Variants in MYLK4 observed in about 807,000 individuals in gnomAD.
The protein encoded by MYLK4 is myosin light chain kinase family member 4, also known as caMLCK like.
MYLK4 carries 46 observed loss-of-function variants against 48.1 expected under a neutral mutation model. The observed-to-expected ratio is 0.96, with a 90% CI of 0.75 to 1.22. The LOEUF (loss-of-function observed/expected upper bound fraction) is 1.22, where lower values mean the gene tolerates loss of function less well. Ranked by LOEUF, MYLK4 falls within the 50% of genes most tolerant of loss-of-function variation. The probability of loss-of-function intolerance (pLI) is 0.00; values close to 1 mark genes in which losing one functional copy is unlikely to be tolerated. For missense variants in MYLK4, 451 were observed against 486.1 expected, an observed-to-expected ratio of 0.93 and a Z score of 0.68; for synonymous variants, 170 against 180.8, an observed-to-expected ratio of 0.94 and a Z score of 0.48.
intron 2 of MYLK4, among the ~76,000 whole-genome samples, chr6:2,694,532 A>T (rs200129094): frequency 4.6e-4 from 1 of 2,180 alleles, no homozygotes; most frequent in Non-Finnish European, 9.0e-4. Flanking sequence ...TGGTGGTGGT[A>T]GTAGTGTTGG....
At chr6:2,679,826 G>A (rs1761224570) in intron 8 of MYLK4, among the ~76,000 whole-genome samples, 1 of 152,172 alleles carries the variant, frequency 6.6e-6, no homozygotes, top group Non-Finnish European at 1.5e-5. Flanking sequence ...ATGTGTCCAC[G>A]TAAACTCTTT....
At chr6:2,763,633 C>T in the MYLK4 span, among the ~76,000 whole-genome samples, 1 of 152,360 alleles carries the variant, frequency 6.6e-6, no homozygotes, top group Non-Finnish European at 1.5e-5. Context: ...AGCCCCGGTT[C>T]CCGCCCGCGC....
At chr6:2,695,261 G>A (rs947760208) in intron 2 of MYLK4, among the ~76,000 whole-genome samples, 1 of 152,180 alleles carries the variant, frequency 6.6e-6, no homozygotes, top group Non-Finnish European at 1.5e-5. Context: ...GGTTTATTCT[G>A]TGTGGCATGA....
In MYLK4 at chr6:2,673,959, G is replaced by C. The variant is rs1432368305; in HGVS notation, c.1119+1088C>G. Among the ~76,000 whole-genome samples the C allele has an allele frequency of 6.6e-6, 1 of 152,204 alleles. No individual in the cohort carries two copies. Among genetic ancestry groups the C allele is most frequent in the East Asian group, 1.9e-4 (1 of 5,202 alleles). On this transcript the variant is annotated intron_variant, in intron 11 of 12. Coordinates refer to ENST00000274643, the MANE Select transcript of MYLK4 (RefSeq NM_001012418.5). This position sits in a 1 kb window ranked among gnomAD's most constrained non-coding sequence, Gnocchi z 4.2. Reference sequence around the variant, plus strand: ...GAAGCAAAGAAGATGTACGGGGGCTGGCTGGGGCCGCTCCATGGGCATCCT... The same window carrying C: ...GAAGCAAAGAAGATGTACGGGGGCTCGCTGGGGCCGCTCCATGGGCATCCT...
the MYLK4 span, among the ~76,000 whole-genome samples, chr6:2,758,250 A>G: frequency 6.6e-6 from 1 of 152,088 alleles, no homozygotes; most frequent in Admixed American, 6.6e-5. Context: ...ACAGTGTAAC[A>G]TCACTTACTG....
At chr6:2,671,451 G>C (rs1760892849) in intron 11 of MYLK4, 103 bp from the exon 12 acceptor site, 3 of 1,105,772 alleles carry the variant, frequency 2.7e-6, no homozygotes, top group African/African-American at 3.1e-5. Flanking sequence ...TGAGGAGAAG[G>C]TGCTCTTCAA....
intron 2 of MYLK4, among the ~76,000 whole-genome samples, chr6:2,700,108 C>A (rs1335406838): frequency 6.6e-6 from 1 of 152,212 alleles, no homozygotes; most frequent in African/African-American, 2.4e-5. Context: ...TTTCTTCCCA[C>A]TGCCACCTTA....
the MYLK4 span, among the ~76,000 whole-genome samples, chr6:2,769,809 G>A: frequency 2.6e-5 from 4 of 152,296 alleles, no homozygotes; most frequent in South Asian, 8.3e-4. Context: ...TCAGCCTTTG[G>A]TAGAAGATGG....
At chr6:2,768,982 T>G in the MYLK4 span, 4 of 1,222,780 alleles carry the variant, frequency 3.3e-6, no homozygotes, top group Non-Finnish European at 4.5e-6. Flanking sequence ...GAGCTTTGTT[T>G]ACAAAGAAGC....
chr6:2,746,487 A>C (rs980162073), intron 2 of MYLK4, among the ~76,000 whole-genome samples: 1 of 152,238 alleles, frequency 6.6e-6, no homozygotes, highest in Non-Finnish European at 1.5e-5. Flanking sequence ...GTTTTATCAA[A>C]CTATTTTAAC....
intron 1 of MYLK4, 68 bp downstream of exon 1, chr6:2,750,668 T>C (rs950897325): frequency 6.6e-6 from 1 of 152,218 alleles, no homozygotes; most frequent in African/African-American, 2.4e-5. Context: ...TACAATTTGT[T>C]ATTGAAGGTA....
At chr6:2,694,510 T>TGGTGATGGTGGC (rs1761954636) in intron 2 of MYLK4, among the ~76,000 whole-genome samples, 1 of 22,590 alleles carries the variant, frequency 4.4e-5, no homozygotes, top group African/African-American at 2.2e-4. Context: ...GTGGTGGTGG[T>TGGTGATGGTGGC]GGCGGTGGTG....
Position 2,737,986 on chromosome 6 carries a change from GGGGGGT to G in MYLK4, c.159+11144_159+11149del, listed in dbSNP as rs1561878053. ...GGTGGGGTGCCGGGGGCGGGTGGGG[GGGGGGT>G]GGTCAATGTTATTAACCCCAGATGA... On this transcript the variant is annotated intron_variant, in intron 2 of 12. Coordinates refer to ENST00000274643, the MANE Select transcript of MYLK4 (RefSeq NM_001012418.5). 4.0e-4 allele frequency among the ~76,000 whole-genome samples: 48 copies of G among 119,462 alleles called. 10 individuals carry two copies. Among genetic ancestry groups the G allele is most frequent in the Admixed American group, 2.6e-3 (29 of 11,096 alleles). The allele number at this position is 119,462 out of a possible 152,430, so 78.4% of individuals were successfully genotyped here. A position where few individuals can be genotyped will look rare whatever the true frequency, so the allele number is the denominator to read the frequency against.
At position 2,736,485 on chromosome 6, in the gene MYLK4, A is replaced by G. The variant is rs555245450; in HGVS notation, c.159+12651T>C. 4.6e-5 allele frequency among the ~76,000 whole-genome samples: 7 copies of G among 152,354 alleles called. No individual in the cohort carries two copies. In the South Asian group the frequency reaches 1.4e-3, roughly 32 times the overall value. On this transcript the variant is annotated intron_variant, in intron 2 of 12. Transcript: ENST00000274643. ...ACCTGCATTGAAAATCTCTAATATT[A>G]TGTGTTGGAATAATATTAAAAATCT... is the stretch of plus-strand genomic sequence containing the variant.
chr6:2,743,276 T>G (rs139639701), intron 2 of MYLK4, among the ~76,000 whole-genome samples: 1 of 152,234 alleles, frequency 6.6e-6, no homozygotes, highest in Non-Finnish European at 1.5e-5. Context: ...AAAAATAATT[T>G]ATCATATGCT....
intron 2 of MYLK4, among the ~76,000 whole-genome samples, chr6:2,698,653 G>A (rs766541527): frequency 2.0e-5 from 3 of 152,142 alleles, no homozygotes; most frequent in Admixed American, 6.5e-5. Context: ...ATTCCTAATG[G>A]GGGAGAGAAC....
chr6:2,763,316 T>C, the MYLK4 span, among the ~76,000 whole-genome samples: 6 of 152,384 alleles, frequency 3.9e-5, no homozygotes, highest in Middle Eastern at 3.4e-3. Flanking sequence ...AGTTGCTTGC[T>C]AGTCCCACGT....
At chr6:2,694,114 G>A (rs751163944) in intron 2 of MYLK4, among the ~76,000 whole-genome samples, 3 of 152,068 alleles carry the variant, frequency 2.0e-5, no homozygotes, top group Non-Finnish European at 2.9e-5. Context: ...GAGTATTTCC[G>A]TTTTTTAGAT....
At position 2,736,078 on chromosome 6, in the gene MYLK4, C is replaced by A. The variant is rs376332954; in HGVS notation, c.159+13058G>T. 7.2e-5 allele frequency among the ~76,000 whole-genome samples: 11 copies of A among 152,158 alleles called. No individual in the cohort carries two copies. In the East Asian group the frequency reaches 1.7e-3, roughly 24 times the overall value. The stretch of plus-strand genomic sequence containing the variant: ...TCAGTCCACCCTAAACCAGCACGCC[C>A]CAAAGCACATCTCATAGCTCCCTAA... On this transcript the variant is annotated intron_variant, in intron 2 of 12. Coordinates refer to ENST00000274643, the MANE Select transcript of MYLK4 (RefSeq NM_001012418.5).
Sources: gnomAD v4.1 joint callset for allele counts (sites outside exome capture counted in the v4.1 genomes callset) on GRCh38, gnomAD v4.1.1 for gene constraint, Gnocchi (gnomAD v3.1) non-coding constraint, MANE v1.5 for transcripts, NCBI Gene and HGNC (gene_info 2026-07-23, HGNC 2026-07-21) for gene names.